The following NUP133 variants were observed in gnomAD, a reference collection of about 807,000 sequenced individuals.
NUP133 encodes the protein nuclear pore complex protein Nup133.
Under a neutral mutation model 146.2 loss-of-function variants are expected in NUP133, and 66 were observed. The observed-to-expected ratio is 0.45, with a 90% confidence interval of 0.37 to 0.55. NUP133 has a LOEUF of 0.55. NUP133 is among the 20% of genes least tolerant of loss of function. The pLI is 0.00. For synonymous variants in NUP133, 521 were observed against 498.8 expected (o/e 1.04, Z -0.59); for missense variants, 1,277 against 1,374.8 (o/e 0.93, Z 1.12).
At chr1:229,452,839 G>C (rs1034442863) in intron 21 of NUP133, among the ~76,000 whole-genome samples, 196 bp from the exon 22 acceptor site, 5 of 152,102 alleles carry the variant, frequency 3.3e-5, no homozygotes, top group Non-Finnish European at 7.4e-5. Context: ...ACATATCCAT[G>C]GTTTGATCAA....
intron 14 of NUP133, among the ~76,000 whole-genome samples, chr1:229,471,861 T>C (rs1352800812): frequency 6.6e-6 from 1 of 152,230 alleles, no homozygotes; most frequent in Non-Finnish European, 1.5e-5. Context: ...CTTGTTTTGA[T>C]AGTATCTTAT....
intron 24 of NUP133, among the ~76,000 whole-genome samples, chr1:229,445,639 T>C (rs956145032): frequency 6.6e-6 from 1 of 152,212 alleles, no homozygotes; most frequent in African/African-American, 2.4e-5. Context: ...TTTATGTAGT[T>C]GTGACTATCT....
At chr1:229,490,757 G>A in intron 8 of NUP133, among the ~76,000 whole-genome samples, 1 of 152,050 alleles carries the variant, frequency 6.6e-6, no homozygotes, top group African/African-American at 2.4e-5. Flanking sequence ...CAGATCAGGA[G>A]TTCAAGACCA....
intron 10 of NUP133, 109 bp downstream of exon 10, chr1:229,487,357 G>C: frequency 1.8e-6 from 2 of 1,114,394 alleles, no homozygotes; most frequent in Non-Finnish European, 2.6e-6. Context: ...AAATGTCTCA[G>C]AAACATTTGA....
intron 10 of NUP133, 107 bp downstream of exon 10, chr1:229,487,359 A>C: frequency 1.8e-6 from 2 of 1,121,448 alleles, no homozygotes; most frequent in Non-Finnish European, 2.6e-6. Context: ...ATGTCTCAGA[A>C]ACATTTGAAA....
At chr1:229,486,794 C>T (rs1661362519) in intron 10 of NUP133, among the ~76,000 whole-genome samples, 1 of 151,094 alleles carries the variant, frequency 6.6e-6, no homozygotes, top group South Asian at 2.1e-4. Flanking sequence ...GTCTAGTAAG[C>T]CAAAAAAGAA....
intron 2 of NUP133, among the ~76,000 whole-genome samples, chr1:229,505,564 TAAAAAA>T (rs56383157): frequency 1.3e-4 from 8 of 63,242 alleles, no homozygotes; most frequent in African/African-American, 3.5e-4. Context: ...CAATTACAGT[TAAAAAA>T]AAAAAAAAAA....
chr1:229,495,604 A>G (rs372453491), intron 7 of NUP133, 39 bp from the exon 8 acceptor site: 6 of 1,437,358 alleles, frequency 4.2e-6, no homozygotes, highest in African/African-American at 1.4e-5. Flanking sequence ...TCTCAAGTGC[A>G]GGAATGATTT....
At chr1:229,442,447 TTAGA>T (rs1377466713) in intron 25 of NUP133, among the ~76,000 whole-genome samples, 3 of 152,290 alleles carry the variant, frequency 2.0e-5, no homozygotes, top group East Asian at 3.9e-4. Context: ...AAATCTAAAA[TTAGA>T]TAGGCAAAAG....
intron 8 of NUP133, among the ~76,000 whole-genome samples, chr1:229,495,253 T>C (rs1013578470): frequency 2.0e-5 from 3 of 152,028 alleles, no homozygotes; most frequent in African/African-American, 7.2e-5. Flanking sequence ...CAGCCAGGTG[T>C]GGTGGCGCAT....
intron 19 of NUP133, 78 bp from the exon 20 acceptor site, chr1:229,460,847 C>A: frequency 8.1e-7 from 1 of 1,236,268 alleles, no homozygotes; most frequent in South Asian, 1.5e-5. Context: ...TAACTTTGTT[C>A]TAAAGGCCTC....
chr1:229,443,894 C>CT (rs746631129), intron 25 of NUP133, among the ~76,000 whole-genome samples: 1,891 of 114,758 alleles, frequency 0.016, 25 homozygotes, highest in African/African-American at 0.032. Context: ...GTGCTCAACT[C>CT]TTTTTTTTTT....
intron 15 of NUP133, among the ~76,000 whole-genome samples, chr1:229,468,753 T>C (rs1660883536): frequency 6.6e-6 from 1 of 152,190 alleles, no homozygotes; most frequent in Non-Finnish European, 1.5e-5. Flanking sequence ...TCTTATCATA[T>C]AAAATTATAT....
At chr1:229,496,987 G>C (rs1260052208) in intron 6 of NUP133, among the ~76,000 whole-genome samples, 1 of 152,222 alleles carries the variant, frequency 6.6e-6, no homozygotes, top group Non-Finnish European at 1.5e-5. Flanking sequence ...TAGTCATGAA[G>C]AGGAGTGTTA....
At chr1:229,450,633 A>C in intron 22 of NUP133, 28 bp from the exon 23 acceptor site, 2 of 1,184,994 alleles carry the variant, frequency 1.7e-6, no homozygotes, top group Non-Finnish European at 2.4e-6. Flanking sequence ...AAGGTAGAAG[A>C]TTATACAATC....
chr1:229,492,609 T>C (rs1423942213), intron 8 of NUP133, among the ~76,000 whole-genome samples: 1 of 152,000 alleles, frequency 6.6e-6, no homozygotes, highest in Non-Finnish European at 1.5e-5. Flanking sequence ...GCTTGGACTC[T>C]TGAAAGGAAT....
chr1:229,508,153 T>C lies in NUP133; in HGVS notation c.97A>G (p.Ser33Gly). Residue 33 changes from serine to glycine, a missense_variant, in exon 1 of 26, where the codon AGC becomes GGC. By Grantham distance (56) the Ser-to-Gly change is moderately conservative (BLOSUM62 0). This residue lies in a region of NUP133 where 319 missense variants were observed against 306.9 expected (regional missense o/e 1.04). Coordinates refer to ENST00000261396, the MANE Select transcript of NUP133 (RefSeq NM_018230.3). ...GACCCCAGGGGCAGACCCTTCCTGCTAGCCGTCCGGGGCGTGGAGCCGGGC... is the reference window on the plus strand; with the variant it reads ...GACCCCAGGGGCAGACCCTTCCTGCCAGCCGTCCGGGGCGTGGAGCCGGGC... ...LGPGSTPRTA[S>G]RKGLPLGSAV... 1 of 1,595,586 alleles carries C rather than the reference T, an allele frequency of 6.3e-7. No individual in the cohort carries two copies.
intron 12 of NUP133, among the ~76,000 whole-genome samples, chr1:229,478,076 C>T (rs1408999982): frequency 1.3e-5 from 2 of 152,046 alleles, no homozygotes; most frequent in Admixed American, 1.3e-4. Flanking sequence ...GTGATTATTA[C>T]GCATTGTATG....
In NUP133 at chr1:229,504,990, C is replaced by T. The variant is rs563203598; in HGVS notation, c.301+1050G>A. 2.6e-5 allele frequency among the ~76,000 whole-genome samples: 4 copies of T among 152,220 alleles called. No individual in the cohort carries two copies. In the East Asian group the frequency reaches 5.8e-4, roughly 22 times the overall value. ...GCCCAGGACAGCTTTGAATGCGGTC[C>T]AACACAAGTTTGTAAACTTTCTTAA... On this transcript the variant is annotated intron_variant, in intron 2 of 25. Transcript: ENST00000261396.
Sources: gnomAD v4.1 joint callset for allele counts (sites outside exome capture counted in the v4.1 genomes callset) on GRCh38, gnomAD v4.1.1 for gene constraint, gnomAD v4.1.1 regional missense constraint, MANE v1.5 for transcripts, NCBI Gene and HGNC (gene_info 2026-07-23, HGNC 2026-07-21) for gene names.